SMURF1: variants seen among roughly 807,000 people sequenced by gnomAD.
The protein encoded by SMURF1 is E3 ubiquitin-protein ligase SMURF1.
Under a neutral mutation model 98.0 loss-of-function variants are expected in SMURF1, and 44 were observed. That is an observed-to-expected ratio of 0.45 (90% CI 0.35 to 0.58). The LOEUF (loss-of-function observed/expected upper bound fraction) is 0.58. Ranked by LOEUF, SMURF1 falls within the 20% of genes least tolerant of loss-of-function variation. The probability of loss-of-function intolerance (pLI) is 0.00; values close to 1 mark genes in which losing one functional copy is unlikely to be tolerated. For missense variants in SMURF1, 687 were observed against 938.4 expected, an observed-to-expected ratio of 0.73 and a Z score of 3.50; for synonymous variants, 396 against 374.9, an observed-to-expected ratio of 1.06 and a Z score of -0.65.
chr7:99,043,528 G>A (rs528478280), intron 11 of SMURF1, among the ~76,000 whole-genome samples: 2 of 152,304 alleles, frequency 1.3e-5, no homozygotes, highest in East Asian at 3.9e-4. Flanking sequence ...AAGACTGGAT[G>A]ACTACGGAAA....
intron 1 of SMURF1, among the ~76,000 whole-genome samples, chr7:99,101,698 G>A (rs1453384875): frequency 1.3e-5 from 2 of 152,124 alleles, no homozygotes; most frequent in Admixed American, 6.5e-5. Flanking sequence ...CCAGCACTTC[G>A]GGAGGCCGAG....
chr7:99,084,207 A>G lies in SMURF1; in HGVS notation c.56-22370T>C, dbSNP rs1020356939. Among the ~76,000 whole-genome samples the G allele has an allele frequency of 3.3e-5, 5 of 152,360 alleles. 1 individual carries two copies. Among genetic ancestry groups the G allele is most frequent in the Admixed American group, 1.3e-4 (2 of 15,302 alleles). ...GATTCTCCTTTCTCTACACTGCTTA[A>G]GTACTTCCTGCCTTTGACACATAAA... On this transcript the variant is annotated intron_variant, in intron 1 of 17. Transcript: ENST00000361368.
At chr7:99,033,331 G>A (rs1223432748) in intron 16 of SMURF1, among the ~76,000 whole-genome samples, 1 of 152,128 alleles carries the variant, frequency 6.6e-6, no homozygotes, top group East Asian at 1.9e-4. Context: ...ACTTTTTTGA[G>A]ACAGGGTCTC....
chr7:99,113,416 T>C (rs1797365517), intron 1 of SMURF1, among the ~76,000 whole-genome samples: 1 of 152,182 alleles, frequency 6.6e-6, no homozygotes, highest in Non-Finnish European at 1.5e-5. Context: ...AAAAATTCTA[T>C]ATGTGCCAGA....
rs776488595 is a variant in SMURF1, at chr7:99,049,529, AAG to A, written c.953+32_953+33del. 7.5e-6 allele frequency: 12 copies of A among 1,602,456 alleles called. No homozygotes were observed. The African/African-American group carries it at 1.5e-4, about 20-fold the overall frequency. On this transcript the variant is annotated intron_variant, in intron 9 of 17. Transcript: ENST00000361368. ...CAAGAAAGCATTCGATTACCAATGA[AAG>A]AGGTCAGCAAAAAATATTTTTAAAG...
chr7:99,047,278 A>G (rs1795613945), intron 10 of SMURF1, among the ~76,000 whole-genome samples: 3 of 152,200 alleles, frequency 2.0e-5, no homozygotes, highest in Non-Finnish European at 2.9e-5. Flanking sequence ...GAGGGAGACT[A>G]CCTGGCTCTG....
intron 9 of SMURF1, 56 bp downstream of exon 9, chr7:99,049,507 G>C: frequency 1.3e-6 from 2 of 1,555,762 alleles, no homozygotes; most frequent in Non-Finnish European, 1.8e-6. Context: ...ACCAGTCCAA[G>C]AAAGCATTCG....
intron 1 of SMURF1, among the ~76,000 whole-genome samples, chr7:99,139,836 C>T (rs1260583914): frequency 1.3e-5 from 2 of 152,058 alleles, no homozygotes; most frequent in South Asian, 2.1e-4. Context: ...CTGTTTAGAC[C>T]AGGTTGCCAA....
At chr7:99,061,944 G>A (rs1026610108) in intron 1 of SMURF1, 107 bp from the exon 2 acceptor site, 28 of 808,214 alleles carry the variant, frequency 3.5e-5, no homozygotes, top group African/African-American at 1.6e-4. Flanking sequence ...TAGCTTTGCC[G>A]AAGATTTGAC....
chr7:99,054,329 CAG>C (rs1359426676), intron 6 of SMURF1, among the ~76,000 whole-genome samples: 1 of 152,068 alleles, frequency 6.6e-6, no homozygotes, highest in Non-Finnish European at 1.5e-5. Flanking sequence ...GTTTTTGAGA[CAG>C]AGTCTTGCTC....
intron 1 of SMURF1, among the ~76,000 whole-genome samples, chr7:99,126,424 G>A (rs535046973): frequency 6.6e-6 from 1 of 151,320 alleles, no homozygotes; most frequent in South Asian, 2.1e-4. Context: ...TTGGTTGGCT[G>A]AGGCAGGCGG....
At chr7:99,085,697 C>A (rs919381846) in intron 1 of SMURF1, among the ~76,000 whole-genome samples, 2 of 152,110 alleles carry the variant, frequency 1.3e-5, no homozygotes, top group African/African-American at 4.8e-5. Flanking sequence ...ATGTAGCCAC[C>A]CTTATAGTAT....
At chr7:99,095,174 G>C (rs1350112365) in intron 1 of SMURF1, among the ~76,000 whole-genome samples, 1 of 152,146 alleles carries the variant, frequency 6.6e-6, no homozygotes, top group Non-Finnish European at 1.5e-5. Context: ...CCGCCTCCCA[G>C]GTTCAAGAGA....
At chr7:99,078,227 G>C (rs1445804491) in intron 1 of SMURF1, among the ~76,000 whole-genome samples, 1 of 151,610 alleles carries the variant, frequency 6.6e-6, no homozygotes, top group African/African-American at 2.4e-5. Context: ...ACTTGAACCT[G>C]GGAGGCAGAG....
Position 99,030,205 on chromosome 7 carries a change from C to T in SMURF1, c.*379G>A, listed in dbSNP as rs549379153. 51 of 177,468 alleles carry T rather than the reference C, an allele frequency of 2.9e-4. No homozygotes were observed. The highest frequency in any genetic ancestry group is 1.1e-4 in the Admixed American group (2 of 17,686). The allele number at this position is 177,468 out of a possible 1,614,324, so 11.0% of individuals were successfully genotyped here. On this transcript the variant is annotated 3_prime_UTR_variant, in exon 18 of 18. Transcript: ENST00000361368. The stretch of plus-strand genomic sequence containing the variant: ...CTGGCATAGCCACCAGTTCCAAACC[C>T]TCAATCAGCCACGCCCAGTCCCCTA...
At chr7:99,047,984 C>T (rs1584458260) in intron 9 of SMURF1, 102 bp from the exon 10 acceptor site, 3 of 1,076,626 alleles carry the variant, frequency 2.8e-6, no homozygotes, top group East Asian at 4.7e-5. Context: ...TAGCTGCACA[C>T]AACTTCAGGG....
intron 1 of SMURF1, among the ~76,000 whole-genome samples, chr7:99,140,281 C>CTTTTTT (rs11421940): frequency 1.5e-4 from 13 of 85,814 alleles, no homozygotes; most frequent in African/African-American, 2.3e-4. Context: ...CTTCAGTATC[C>CTTTTTT]TTTTTTTTTT....
rs1159865649 is a variant in SMURF1, at chr7:99,028,611, T to A, written c.*1973A>T. The A allele has an allele frequency of 6.6e-6, 1 of 152,220 alleles. No individual in the cohort carries two copies. The highest frequency in any genetic ancestry group is 1.9e-4 in the East Asian group (1 of 5,194). 9.4% of individuals were successfully genotyped at this position (152,220 alleles called of 1,614,324 possible). On this transcript the variant is annotated 3_prime_UTR_variant, in exon 18 of 18. Transcript: ENST00000361368. ...CCTCCCAACAGCAAAAAGGTAGTTT[T>A]AAAGGCGTCAAATGCAACATTCCTG...
At chr7:99,142,109 CG>C (rs199581830) in intron 1 of SMURF1, among the ~76,000 whole-genome samples, 176 of 152,222 alleles carry the variant, frequency 1.2e-3, no homozygotes, top group African/African-American at 4.1e-3. Context: ...CTCTGGAGCC[CG>C]GGGGGAAACA....
Sources: allele counts gnomAD v4.1 joint callset (sites outside exome capture counted in the v4.1 genomes callset), GRCh38; gene constraint gnomAD v4.1.1; transcripts MANE v1.5; gene names NCBI Gene and HGNC (gene_info 2026-07-23, HGNC 2026-07-21).